Variants in SLC35F1 observed in about 807,000 individuals in gnomAD.
SLC35F1 encodes the protein chromosome 6 open reading frame 169.
Under a neutral mutation model 48.7 loss-of-function variants are expected in SLC35F1, and 14 were observed. The observed-to-expected ratio is 0.29, with a 90% CI of 0.19 to 0.45. The LOEUF is 0.45. Ranked by LOEUF, SLC35F1 falls within the 20% of genes least tolerant of loss-of-function variation. The pLI is 1.00. For synonymous variants in SLC35F1, 190 were observed against 202.2 expected, an observed-to-expected ratio of 0.94 and a Z score of 0.51; for missense variants, 404 against 500.0, an observed-to-expected ratio of 0.81 and a Z score of 1.83.
At chr6:118,163,936 T>C (rs528751902) in intron 2 of SLC35F1, among the ~76,000 whole-genome samples, 1 of 152,384 alleles carries the variant, frequency 6.6e-6, no homozygotes, top group Non-Finnish European at 1.5e-5. Context: ...GCAGACACTA[T>C]TGCAGTCTAC....
intron 1 of SLC35F1, among the ~76,000 whole-genome samples, chr6:118,146,388 A>G (rs1773973689): frequency 6.6e-6 from 1 of 152,128 alleles, no homozygotes; most frequent in Non-Finnish European, 1.5e-5. Flanking sequence ...CATATCTTCT[A>G]TTATTATGAT....
chr6:118,099,093 T>C (rs1397528457), intron 1 of SLC35F1, among the ~76,000 whole-genome samples: 3 of 152,192 alleles, frequency 2.0e-5, no homozygotes, highest in African/African-American at 7.2e-5. Context: ...ATGGGATAGA[T>C]CCACATTCCC....
At chr6:118,112,710 T>TA (rs1338763158) in intron 1 of SLC35F1, among the ~76,000 whole-genome samples, 1 of 151,994 alleles carries the variant, frequency 6.6e-6, no homozygotes, top group Non-Finnish European at 1.5e-5. Flanking sequence ...AAAAATGTTT[T>TA]AAAAAAATAT....
rs1215908032 is a variant in SLC35F1 at position 118,304,075 on chromosome 6, A to G, written c.1003-9953A>G. On this transcript the variant is annotated intron_variant, in intron 7 of 7. Transcript: ENST00000360388. ...TTGGTGGACTATTTTTCAGCCTACC[A>G]CACCAAGGAAGTAAAGTGAATTGCT... Among the ~76,000 whole-genome samples the G allele has an allele frequency of 2.0e-5, 3 of 152,238 alleles. No homozygotes were observed. In the East Asian group the frequency reaches 5.8e-4, roughly 29 times the overall value.
At chr6:118,060,849 C>T (rs914465788) in intron 1 of SLC35F1, among the ~76,000 whole-genome samples, 5 of 152,158 alleles carry the variant, frequency 3.3e-5, no homozygotes, top group East Asian at 1.9e-4. Context: ...GAGGCTCAGA[C>T]AAATTAAATA....
intron 1 of SLC35F1, among the ~76,000 whole-genome samples, chr6:118,021,983 G>T (rs368957420): frequency 3.9e-4 from 60 of 152,146 alleles, no homozygotes; most frequent in African/African-American, 1.4e-3. Flanking sequence ...AATTCTTGCA[G>T]TGTCAAACTT....
At chr6:117,983,639 G>A (rs1393580792) in intron 1 of SLC35F1, among the ~76,000 whole-genome samples, 1 of 152,138 alleles carries the variant, frequency 6.6e-6, no homozygotes, top group Non-Finnish European at 1.5e-5. Context: ...CATGTTTTTA[G>A]ATAGGAAAAA....
chr6:118,228,685 C>A (rs1171478440), intron 2 of SLC35F1, among the ~76,000 whole-genome samples: 1 of 152,100 alleles, frequency 6.6e-6, no homozygotes, highest in Admixed American at 6.6e-5. Flanking sequence ...CAGAATGGGA[C>A]CCTGTCTCAA....
At chr6:117,918,806 A>G (rs1346171295) in intron 1 of SLC35F1, among the ~76,000 whole-genome samples, 1 of 152,130 alleles carries the variant, frequency 6.6e-6, no homozygotes, top group Non-Finnish European at 1.5e-5. Context: ...GGGGCAGTGC[A>G]TATTTGAGGG....
chr6:118,044,349 G>A (rs1772270102), intron 1 of SLC35F1, among the ~76,000 whole-genome samples: 1 of 152,080 alleles, frequency 6.6e-6, no homozygotes, highest in South Asian at 2.1e-4. Flanking sequence ...TCCCACCTGG[G>A]CTTCCTGTCT....
At chr6:118,134,680 T>C (rs1773767710) in intron 1 of SLC35F1, among the ~76,000 whole-genome samples, 1 of 152,198 alleles carries the variant, frequency 6.6e-6, no homozygotes, top group Admixed American at 6.5e-5. Context: ...AGTATGACCC[T>C]TTGAGGCAAG....
intron 1 of SLC35F1, among the ~76,000 whole-genome samples, chr6:118,017,010 G>C (rs1442797761): frequency 6.6e-6 from 1 of 152,214 alleles, no homozygotes; most frequent in Non-Finnish European, 1.5e-5. Flanking sequence ...ACACAGGTTT[G>C]CTGGGAGAAT....
chr6:117,973,269 C>T (rs1185420580), intron 1 of SLC35F1, among the ~76,000 whole-genome samples: 2 of 152,130 alleles, frequency 1.3e-5, no homozygotes, highest in Non-Finnish European at 2.9e-5. Context: ...ACGGTCCACC[C>T]ACATGACCTC....
chr6:118,173,346 G>T (rs947054254), intron 2 of SLC35F1, among the ~76,000 whole-genome samples: 1 of 139,008 alleles, frequency 7.2e-6, no homozygotes, highest in Non-Finnish European at 1.5e-5. Context: ...ATCCCTAACA[G>T]ATTACGAAAA....
chr6:118,070,191 G>A (rs917576628), intron 1 of SLC35F1, among the ~76,000 whole-genome samples: 3 of 148,848 alleles, frequency 2.0e-5, no homozygotes, highest in Non-Finnish European at 4.5e-5. Flanking sequence ...AAGATAAGTT[G>A]ATGCATAATA....
intron 1 of SLC35F1, among the ~76,000 whole-genome samples, chr6:118,020,206 C>G (rs1562266099): frequency 6.6e-6 from 1 of 152,164 alleles, no homozygotes; most frequent in Non-Finnish European, 1.5e-5. Flanking sequence ...TTTGACACAT[C>G]TGAAGATTCA....
intron 1 of SLC35F1, among the ~76,000 whole-genome samples, chr6:117,913,368 A>T (rs1775786935): frequency 1.3e-5 from 2 of 152,232 alleles, no homozygotes; most frequent in South Asian, 4.1e-4. Context: ...CACACATGTG[A>T]CGAAACATTA....
At chr6:118,097,000 C>A (rs1773186402) in intron 1 of SLC35F1, among the ~76,000 whole-genome samples, 1 of 152,196 alleles carries the variant, frequency 6.6e-6, no homozygotes, top group Non-Finnish European at 1.5e-5. Flanking sequence ...CATTCAGGAT[C>A]TCAGAAGTCT....
chr6:118,128,336 A>G (rs540437434), intron 1 of SLC35F1, among the ~76,000 whole-genome samples: 2,165 of 145,552 alleles, frequency 0.015, 32 homozygotes, highest in African/African-American at 0.052. Flanking sequence ...ACTATAAATC[A>G]TGCTGCTATA....
Sources: allele counts gnomAD v4.1 joint callset (sites outside exome capture counted in the v4.1 genomes callset), GRCh38; gene constraint gnomAD v4.1.1; transcripts MANE v1.5; gene names NCBI Gene and HGNC (gene_info 2026-07-23, HGNC 2026-07-21).